The following SLC26A11 variants were observed in gnomAD, a reference collection of about 807,000 sequenced individuals.
SLC26A11 encodes the protein sodium-independent sulfate anion transporter.
Under a neutral mutation model 62.2 loss-of-function variants are expected in SLC26A11, and 58 were observed. That is an observed-to-expected ratio of 0.93 (90% CI 0.76 to 1.16). The LOEUF (loss-of-function observed/expected upper bound fraction) is 1.16. SLC26A11 is among the 50% of genes most tolerant of loss of function. The pLI is 0.00. For synonymous variants in SLC26A11, 411 were observed against 368.9 expected (o/e 1.11, Z -1.31); for missense variants, 790 against 794.3 (o/e 0.99, Z 0.06).
At chr17:80,232,647 C>T (rs991337917) in intron 7 of SLC26A11, among the ~76,000 whole-genome samples, 1 of 152,210 alleles carries the variant, frequency 6.6e-6, no homozygotes. Flanking sequence ...CTCATAATCT[C>T]TGCCTTTTAA....
chr17:80,251,486 G>A, intron 17 of SLC26A11, 85 bp downstream of exon 17: 1 of 1,550,784 alleles, frequency 6.4e-7, no homozygotes, highest in Non-Finnish European at 8.8e-7. Flanking sequence ...AAACCAGCTG[G>A]GCACAGTGGC....
Position 80,246,012 on chromosome 17 carries a change from C to T in SLC26A11, c.1098-142C>T. The T allele has an allele frequency of 1.0e-6, 1 of 974,504 alleles. No homozygotes were observed. The highest frequency in any genetic ancestry group is 1.6e-6 in the Non-Finnish European group (1 of 614,324). 60.4% of individuals were successfully genotyped at this position (974,504 alleles called of 1,614,324 possible). A position where few individuals can be genotyped will look rare whatever the true frequency, so the allele number is the denominator to read the frequency against. ...GTGACTGCACCCTAAGTCTCTTTGCCTCGGTCCCCTTGCAGTCCCCGCCTG... is the reference window on the plus strand; with the variant it reads ...GTGACTGCACCCTAAGTCTCTTTGCTTCGGTCCCCTTGCAGTCCCCGCCTG... On this transcript the variant is annotated intron_variant, in intron 11 of 17. Transcript: ENST00000361193. The surrounding 1 kb of genome is among the most constrained non-coding windows in gnomAD (Gnocchi z 4.4).
Position 80,237,594 on chromosome 17 carries a change from G to A in SLC26A11, c.985G>A (p.Ala329Thr), listed in dbSNP as rs138804367. The A allele has an allele frequency of 9.9e-6, 16 of 1,610,184 alleles. No homozygotes were observed. The highest frequency in any genetic ancestry group is 1.3e-5 in the Non-Finnish European group (15 of 1,178,534). ...GAGCATTGCGGTGGCCAAAGCCTTC[G>A]GTAAGACGCCTGTCACCCACACCCC... ...LESIAVAKAFASQNNYRIDAN... is the reference protein window; with the variant it reads ...LESIAVAKAFTSQNNYRIDAN... Residue 329 changes from alanine (A) to threonine (T), a missense_variant and splice_region_variant, in exon 9 of 18, where the codon GCA becomes ACA. Ala to Thr is a moderately conservative substitution (Grantham distance 58). Coordinates refer to ENST00000361193, the MANE Select transcript of SLC26A11 (RefSeq NM_001166347.2).
chr17:80,240,331 T>C (rs34893242), intron 9 of SLC26A11, among the ~76,000 whole-genome samples: 56,520 of 150,314 alleles, frequency 0.38, 10,713 homozygotes, highest in African/African-American at 0.41. Flanking sequence ...CGCGCCACTG[T>C]ACTCCAGCCT....
chr17:80,223,099 A>T lies in SLC26A11; in HGVS notation c.428-153A>T. 1 of 783,370 alleles carries T rather than the reference A, an allele frequency of 1.3e-6. No homozygotes were observed. The highest frequency in any genetic ancestry group is 1.6e-5 in the South Asian group (1 of 61,362). The allele number at this position is 783,370 out of a possible 1,614,324, so 48.5% of individuals were successfully genotyped here. A position where few individuals can be genotyped will look rare whatever the true frequency, so the allele number is the denominator to read the frequency against. On this transcript the variant is annotated intron_variant, in intron 4 of 17. Coordinates refer to ENST00000361193, the MANE Select transcript of SLC26A11 (RefSeq NM_001166347.2). This position sits in a 1 kb window ranked among gnomAD's most constrained non-coding sequence, Gnocchi z 4.6. ...CAGTCTCCCTTTTCTGCTCTCCAAA[A>T]ACAGCCAAACAGGGTGTGTTACCCC...
chr17:80,242,102 A>G (rs1362887401), intron 10 of SLC26A11, among the ~76,000 whole-genome samples: 1 of 152,152 alleles, frequency 6.6e-6, no homozygotes, highest in East Asian at 1.9e-4. Flanking sequence ...TCAGCCTCCC[A>G]AGTAGCTGGG....
intron 10 of SLC26A11, among the ~76,000 whole-genome samples, chr17:80,243,771 G>A (rs1315117463): frequency 6.6e-5 from 10 of 152,292 alleles, no homozygotes; most frequent in Admixed American, 3.9e-4. Flanking sequence ...AACACAGACC[G>A]AGCGAAGGTC....
Position 80,225,846 on chromosome 17 carries a change from G to A in SLC26A11, c.523G>A (p.Gly175Arg). The change falls in exon 6 of 18, where the codon GGA becomes AGA. Residue 175 changes from glycine (G) to arginine (R), a missense_variant. Coordinates refer to ENST00000361193, the MANE Select transcript of SLC26A11 (RefSeq NM_001166347.2). ...IGFGQIKNLL[G>R]LQNIPRPFFL... is the part of the protein sequence containing the mutation. ...CTCTGTGTTTGGACAGAACCTGCTG[G>A]GACTACAGAACATCCCCAGGCCGTT... 1 of 1,613,862 alleles carries A rather than the reference G, an allele frequency of 6.2e-7. No individual in the cohort carries two copies. Among genetic ancestry groups the A allele is most frequent in the South Asian group, 1.1e-5 (1 of 91,068 alleles).
At chr17:80,225,996 C>T (rs949379406) in intron 6 of SLC26A11, 80 bp downstream of exon 6, 8 of 1,343,486 alleles carry the variant, frequency 6.0e-6, no homozygotes, top group Non-Finnish European at 8.5e-6. Context: ...CCTCAGTTTC[C>T]CCACCCCTGG....
At chr17:80,238,382 T>C (rs960699539) in intron 9 of SLC26A11, among the ~76,000 whole-genome samples, 1 of 152,150 alleles carries the variant, frequency 6.6e-6, no homozygotes, top group Non-Finnish European at 1.5e-5. Context: ...TTAATTTAAT[T>C]GGTAATAATG....
At chr17:80,245,493 T>C in intron 11 of SLC26A11, 1 of 523,312 alleles carries the variant, frequency 1.9e-6, no homozygotes, top group Non-Finnish European at 3.5e-6. Context: ...GGTACACCCT[T>C]GTTATCCCAT....
intron 9 of SLC26A11, among the ~76,000 whole-genome samples, chr17:80,240,019 C>A (rs965260658): frequency 2.0e-5 from 3 of 152,232 alleles, no homozygotes; most frequent in African/African-American, 7.2e-5. Flanking sequence ...GCCCACAAAG[C>A]CTAAAATATC....
rs1332625423 is a variant in SLC26A11 at position 80,221,743 on chromosome 17, T to A, written c.183T>A (p.Thr61=). 5 of 1,613,594 alleles carry A rather than the reference T, an allele frequency of 3.1e-6. No homozygotes were observed. The Admixed American group carries it at 5.0e-5, about 16-fold the overall frequency. ...DFVAGLSVGL[T]AIPQALAYAE... is the part of the protein sequence containing the mutation. ...TCGCCGGCCTCTCAGTTGGCCTCAC[T>A]GCCATTCCCCAGGCGCTGGCCTATG... Residue 61 remains threonine, a synonymous_variant, in exon 3 of 18, where the codon ACT becomes ACA. Transcript: ENST00000361193.
At position 80,221,543 on chromosome 17, in the gene SLC26A11, C is replaced by G; in HGVS notation, c.-13-5C>G. ...CTGCTGGTCTGTGTCACCTGCACCC[C>G]CCAGCCCCACCGTAGAGATGCCTTC... On this transcript the variant is annotated splice_polypyrimidine_tract_variant and splice_region_variant and intron_variant, in intron 2 of 17. Coordinates refer to ENST00000361193, the MANE Select transcript of SLC26A11 (RefSeq NM_001166347.2). 1 of 1,554,590 alleles carries G rather than the reference C, an allele frequency of 6.4e-7. No homozygotes were observed. The highest frequency in any genetic ancestry group is 1.3e-5 in the African/African-American group (1 of 74,200).
Position 80,246,297 on chromosome 17 carries a change from A to C in SLC26A11, c.1153+88A>C. The C allele has an allele frequency of 6.6e-7, 1 of 1,516,500 alleles. No individual in the cohort carries two copies. The allele number at this position is 1,516,500 out of a possible 1,614,324, so 93.9% of individuals were successfully genotyped here. On this transcript the variant is annotated intron_variant, in intron 12 of 17. Coordinates refer to ENST00000361193, the MANE Select transcript of SLC26A11 (RefSeq NM_001166347.2). This position sits in a 1 kb window ranked among gnomAD's most constrained non-coding sequence, Gnocchi z 4.4. Reference sequence around the variant, plus strand: ...GCCCACAGAGACGTCCCTTTGGCTCATGGGCCGTGCGCCCCGGGACTGCAC... The same window carrying C: ...GCCCACAGAGACGTCCCTTTGGCTCCTGGGCCGTGCGCCCCGGGACTGCAC...
rs1366044421 is a variant in SLC26A11, at chr17:80,238,820, G to GTTTTTTTTTTTTTTTTTTTT, written c.985+1232_985+1233insTTTTTTTTTTTTTTTTTTTT. 3.4e-5 allele frequency among the ~76,000 whole-genome samples: 3 copies of GTTTTTTTTTTTTTTTTTTTT among 87,390 alleles called. 1 individual carries two copies. Among genetic ancestry groups the GTTTTTTTTTTTTTTTTTTTT allele is most frequent in the Non-Finnish European group, 4.7e-5 (2 of 42,970 alleles). 57.3% of individuals were successfully genotyped at this position (87,390 alleles called of 152,430 possible). A position where few individuals can be genotyped will look rare whatever the true frequency, so the allele number is the denominator to read the frequency against. On this transcript the variant is annotated intron_variant, in intron 9 of 17. Transcript: ENST00000361193. ...TACCCCCTTCAAAGGAGTTTTTTTTGTTTTTTGTTTTTTTTTTTTTTTGGA... is the reference window on the plus strand; with the variant it reads ...TACCCCCTTCAAAGGAGTTTTTTTTGTTTTTTTTTTTTTTTTTTTTTTTTTTGTTTTTTTTTTTTTTTGGA...
rs187204211 is a variant in SLC26A11, at chr17:80,223,812, T to C, written c.513+475T>C. 6.1e-3 allele frequency among the ~76,000 whole-genome samples: 937 copies of C among 152,372 alleles called. 11 individuals are homozygous for C. The highest frequency in any genetic ancestry group is 0.021 in the African/African-American group (853 of 41,582). ...AATATTTTTTAAATGCCATGCCTTT[T>C]ATATTTTCTTTTAAAACATTTATAA... is the stretch of plus-strand genomic sequence containing the variant. On this transcript the variant is annotated intron_variant, in intron 5 of 17. Transcript: ENST00000361193. This position sits in a 1 kb window ranked among gnomAD's most constrained non-coding sequence, Gnocchi z 4.6.
chr17:80,238,820 G>C (rs112371483), intron 9 of SLC26A11, among the ~76,000 whole-genome samples: 1 of 87,366 alleles, frequency 1.1e-5, no homozygotes, highest in Admixed American at 1.3e-4. Flanking sequence ...AGTTTTTTTT[G>C]TTTTTTGTTT....
chr17:80,239,196 C>T (rs923636496), intron 9 of SLC26A11, among the ~76,000 whole-genome samples: 4 of 151,850 alleles, frequency 2.6e-5, no homozygotes, highest in Admixed American at 6.6e-5. Flanking sequence ...TATCCTGCCT[C>T]AGCCTCCCAA....
Sources: allele counts gnomAD v4.1 joint callset (sites outside exome capture counted in the v4.1 genomes callset), GRCh38; gene constraint gnomAD v4.1.1; non-coding constraint Gnocchi (gnomAD v3.1); transcripts MANE v1.5; gene names NCBI Gene and HGNC (gene_info 2026-07-23, HGNC 2026-07-21).